The following SPR variants were observed in gnomAD, a reference collection of about 807,000 sequenced individuals.
The protein encoded by SPR is Sepiapterin reductase (L-erythro-7,8-dihydrobiopterin forming).
A neutral mutation model predicts 16.0 loss-of-function variants in SPR; 12 were observed. The ratio of observed to expected loss-of-function variants is 0.75; its 90% CI spans 0.48 to 1.22. SPR has a LOEUF of 1.22. Ranked by LOEUF, SPR falls within the 50% of genes most tolerant of loss-of-function variation. The pLI is 0.00. For missense variants in SPR, 324 were observed against 344.4 expected (o/e 0.94, Z 0.47); for synonymous variants, 177 against 168.5 (o/e 1.05, Z -0.39).
At chr2:72,888,686 C>A in intron 2 of SPR, 82 bp downstream of exon 2, 1 of 1,429,734 alleles carries the variant, frequency 7.0e-7, no homozygotes, top group Non-Finnish European at 9.4e-7. Flanking sequence ...CTAGTCCGCC[C>A]CCTCCAGGAA....
At chr2:72,889,329 G>A (rs935146306) in intron 2 of SPR, among the ~76,000 whole-genome samples, 1 of 152,188 alleles carries the variant, frequency 6.6e-6, no homozygotes, top group Non-Finnish European at 1.5e-5. Flanking sequence ...TCTTAATAGT[G>A]AGGAGTCTCT....
At position 72,888,325 on chromosome 2, in the gene SPR, G is replaced by A; in HGVS notation, c.316G>A (p.Asp106Asn). ...GGTTGGTTTTTCAGGCTCTCTTGGGGATGTGTCCAAAGGCTTCGTGGACCT... is the reference window on the plus strand; with the variant it reads ...GGTTGGTTTTTCAGGCTCTCTTGGGAATGTGTCCAAAGGCTTCGTGGACCT... ...LLINNAGSLG[D>N]VSKGFVDLSD... Residue 106 changes from aspartate (D) to asparagine (N), a missense_variant, in exon 2 of 3, where the codon GAT becomes AAT. Transcript: ENST00000234454. 1 of 1,614,208 alleles carries A rather than the reference G, an allele frequency of 6.2e-7. No homozygotes were observed. Among genetic ancestry groups the A allele is most frequent in the Non-Finnish European group, 8.5e-7 (1 of 1,180,042 alleles).
chr2:72,890,502 C>T (rs1356980384), intron 2 of SPR, among the ~76,000 whole-genome samples: 5 of 151,856 alleles, frequency 3.3e-5, no homozygotes, highest in Admixed American at 6.6e-5. Context: ...CCACCACACC[C>T]GGCTAATTTT....
chr2:72,888,411 G>A lies in SPR; in HGVS notation c.402G>A (p.Leu134=). The part of the protein sequence containing the change: ...WALNLTSMLC[L]TSSVLKAFPD... ...TGAACTTGACCTCCATGCTCTGCCT[G>A]ACTTCCAGCGTCCTGAAGGCCTTCC... The change falls in exon 2 of 3, where the codon CTG becomes CTA. Residue 134 remains leucine, a synonymous_variant. Transcript: ENST00000234454. 6.2e-7 allele frequency: 1 copy of A among 1,614,090 alleles called. No individual in the cohort carries two copies. Among genetic ancestry groups the A allele is most frequent in the Non-Finnish European group, 8.5e-7 (1 of 1,179,952 alleles).
Position 72,890,943 on chromosome 2 carries a change from G to A in SPR, c.596-404G>A, listed in dbSNP as rs181167285. ...AGGTTGTAAAAAGGGCCTGATTGTC[G>A]GGATGTGTAGATGCTGAAGGGTCCT... On this transcript the variant is annotated intron_variant, in intron 2 of 2. Coordinates refer to ENST00000234454, the MANE Select transcript of SPR (RefSeq NM_003124.5). 1.9e-4 allele frequency among the ~76,000 whole-genome samples: 29 copies of A among 152,296 alleles called. No individual in the cohort carries two copies. In the East Asian group the frequency reaches 2.1e-3, roughly 11 times the overall value.
rs376988034 is a variant in SPR at position 72,891,377 on chromosome 2, C to T, written c.626C>T (p.Ala209Val). 1.2e-6 allele frequency: 2 copies of T among 1,614,174 alleles called. No individual in the cohort carries two copies. Among genetic ancestry groups the T allele is most frequent in the East Asian group, 2.2e-5 (1 of 44,870 alleles). Residue 209 changes from alanine to valine, a missense_variant, in exon 3 of 3, where the codon GCC (alanine) becomes GTC (valine). Transcript: ENST00000234454. ...GPLDTDMQQL[A>V]RETSVDPDMR... ...CTGGACACAGACATGCAGCAGTTGGCCCGGGAGACCTCCGTGGACCCAGAC... is the reference window on the plus strand; with the variant it reads ...CTGGACACAGACATGCAGCAGTTGGTCCGGGAGACCTCCGTGGACCCAGAC...
At chr2:72,888,267 A>C (rs1670571260) in intron 1 of SPR, 47 bp from the exon 2 acceptor site, 3 of 1,602,332 alleles carry the variant, frequency 1.9e-6, no homozygotes, top group Non-Finnish European at 2.6e-6. Context: ...CTGGGGAAGA[A>C]GAAAGCCCCG....
chr2:72,888,061 T>A (rs1489552636), intron 1 of SPR, among the ~76,000 whole-genome samples: 3 of 152,230 alleles, frequency 2.0e-5, no homozygotes, highest in Non-Finnish European at 2.9e-5. Flanking sequence ...TCTCTGCTTC[T>A]CCAAAGGACC....
In SPR at chr2:72,887,489, C is replaced by T. The variant is rs774659668; in HGVS notation, c.57C>T (p.Phe19=). 14 of 1,499,646 alleles carry T rather than the reference C, an allele frequency of 9.3e-6. No homozygotes were observed. The South Asian group carries it at 1.7e-4, about 19-fold the overall frequency. 92.9% of individuals were successfully genotyped at this position (1,499,646 alleles called of 1,614,324 possible). Residue 19 remains phenylalanine (F), a synonymous_variant, in exon 1 of 3, where the codon TTC becomes TTT. Coordinates refer to ENST00000234454, the MANE Select transcript of SPR (RefSeq NM_003124.5). The part of the protein sequence containing the change: ...VCLLTGASRG[F]GRTLAPLLAS... The stretch of plus-strand genomic sequence containing the variant: ...TGCTGACCGGGGCCTCCCGCGGCTT[C>T]GGCCGGACGCTGGCCCCGCTCCTGG...
chr2:72,888,734 C>T (rs1670579561), intron 2 of SPR, 130 bp downstream of exon 2: 10 of 1,057,702 alleles, frequency 9.5e-6, no homozygotes, highest in Non-Finnish European at 1.3e-5. Flanking sequence ...CTTGACCCAT[C>T]ACCCCTTAGG....
In SPR at chr2:72,891,530, A is replaced by G. The variant is rs777868890; in HGVS notation, c.779A>G (p.Asp260Gly). The G allele has an allele frequency of 6.2e-7, 1 of 1,614,230 alleles. No individual in the cohort carries two copies. The highest frequency in any genetic ancestry group is 1.7e-5 in the Admixed American group (1 of 60,032). Residue 260 changes from aspartate to glycine, a missense_variant, in exon 3 of 3, where the codon GAC (aspartate) becomes GGC (glycine). Coordinates refer to ENST00000234454, the MANE Select transcript of SPR (RefSeq NM_003124.5). ...FKSGAHVDFY[D>G]K Reference sequence around the variant, plus strand: ...TCTGGAGCCCACGTGGACTTCTATGACAAATAAGCCCATGTTTTTGGCTTC... The same window carrying G: ...TCTGGAGCCCACGTGGACTTCTATGGCAAATAAGCCCATGTTTTTGGCTTC...
At chr2:72,891,297 C>T (rs374852334) in intron 2 of SPR, 50 bp from the exon 3 acceptor site, 3 of 1,602,508 alleles carry the variant, frequency 1.9e-6, no homozygotes, top group Non-Finnish European at 2.6e-6. Context: ...CTGAAACCTT[C>T]TGTCCCTGCC....
chr2:72,891,855 G>A lies in SPR; in HGVS notation c.*318G>A. On this transcript the variant is annotated 3_prime_UTR_variant, in exon 3 of 3. Coordinates refer to ENST00000234454, the MANE Select transcript of SPR (RefSeq NM_003124.5). Reference sequence around the variant, plus strand: ...AAAGAAGCTGGAACACAGAAGAGAGGAGGTTGTGTCTCTTGCTCATAGCAA... The same window carrying A: ...AAAGAAGCTGGAACACAGAAGAGAGAAGGTTGTGTCTCTTGCTCATAGCAA... 1 of 410,398 alleles carries A rather than the reference G, an allele frequency of 2.4e-6. No individual in the cohort carries two copies. The allele number at this position is 410,398 out of a possible 1,614,324, so 25.4% of individuals were successfully genotyped here.
chr2:72,887,481 C>T lies in SPR; in HGVS notation c.49C>T (p.Arg17Cys). Residue 17 changes from arginine (R) to cysteine (C), a missense_variant, in exon 1 of 3, where the codon CGC becomes TGC. Physicochemically the swap from Arg to Cys is radical, Grantham distance 180. Coordinates refer to ENST00000234454, the MANE Select transcript of SPR (RefSeq NM_003124.5). ...RAVCLLTGAS[R>C]GFGRTLAPLL... ...TGTGTGCTTGCTGACCGGGGCCTCC[C>T]GCGGCTTCGGCCGGACGCTGGCCCC... is the stretch of plus-strand genomic sequence containing the variant. The T allele has an allele frequency of 6.6e-7, 1 of 1,504,360 alleles. No homozygotes were observed. The allele number at this position is 1,504,360 out of a possible 1,614,324, so 93.2% of individuals were successfully genotyped here.
At chr2:72,891,233 G>C (rs1559049145) in intron 2 of SPR, 114 bp from the exon 3 acceptor site, 1 of 1,080,256 alleles carries the variant, frequency 9.3e-7, no homozygotes, top group African/African-American at 1.6e-5. Context: ...CCAAGATGAC[G>C]TGTTTCCTCT....
rs79062171 is a variant in SPR, at chr2:72,890,995, C to T, written c.596-352C>T. ...CCTGGTGCCTGGTTGGCTCTGGGGACGATGGGGGAGGGAAGGAGGAAGTGA... is the reference window on the plus strand; with the variant it reads ...CCTGGTGCCTGGTTGGCTCTGGGGATGATGGGGGAGGGAAGGAGGAAGTGA... On this transcript the variant is annotated intron_variant, in intron 2 of 2. Transcript: ENST00000234454. Among the ~76,000 whole-genome samples, 969 of 151,890 alleles carry T rather than the reference C, an allele frequency of 6.4e-3. 8 individuals are homozygous for T. Among genetic ancestry groups the T allele is most frequent in the African/African-American group, 0.022 (909 of 41,426 alleles).
chr2:72,887,635 C>G lies in SPR; in HGVS notation c.203C>G (p.Ala68Gly). The change falls in exon 1 of 3, where the codon GCC (alanine) becomes GGC (glycine). Residue 68 changes from alanine to glycine, a missense_variant. Transcript: ENST00000234454. ...GGCCTGCGCGTGGTGCGGGTGCCCG[C>G]CGACCTGGGCGCCGAGGCCGGCTTG... ...RSGLRVVRVP[A>G]DLGAEAGLQQ... The G allele has an allele frequency of 6.9e-7, 1 of 1,449,768 alleles. No individual in the cohort carries two copies. The highest frequency in any genetic ancestry group is 9.0e-7 in the Non-Finnish European group (1 of 1,109,842). 89.8% of individuals were successfully genotyped at this position (1,449,768 alleles called of 1,614,324 possible).
At position 72,888,526 on chromosome 2, in the gene SPR, G is replaced by C; in HGVS notation, c.517G>C (p.Gly173Arg). 1 of 1,606,712 alleles carries C rather than the reference G, an allele frequency of 6.2e-7. No homozygotes were observed. Among genetic ancestry groups the C allele is most frequent in the South Asian group, 1.1e-5 (1 of 90,086 alleles). ...PFKGWALYCAGKAARDMLFQV... is the reference protein window; with the variant it reads ...PFKGWALYCARKAARDMLFQV... ...CAAAGGCTGGGCGCTGTACTGTGCA[G>C]GAAAGGCTGCTCGTGATATGCTGTT... Residue 173 changes from glycine to arginine, a missense_variant, in exon 2 of 3, where the codon GGA (glycine) becomes CGA (arginine). Physicochemically the swap from Gly to Arg is moderately radical, Grantham distance 125. Transcript: ENST00000234454.
Position 72,891,589 on chromosome 2 carries a change from C to T in SPR, c.*52C>T. 1 of 1,603,880 alleles carries T rather than the reference C, an allele frequency of 6.2e-7. No individual in the cohort carries two copies. The highest frequency in any genetic ancestry group is 8.5e-7 in the Non-Finnish European group (1 of 1,173,220). On this transcript the variant is annotated 3_prime_UTR_variant, in exon 3 of 3. Transcript: ENST00000234454. ...TTTTGCCCCCACTTTTAGACATACC[C>T]CAGAGCCCTGTGGCTCCCCACACCC...
Sources: allele counts gnomAD v4.1 joint callset (sites outside exome capture counted in the v4.1 genomes callset), GRCh38; gene constraint gnomAD v4.1.1; transcripts MANE v1.5; gene names NCBI Gene and HGNC (gene_info 2026-07-23, HGNC 2026-07-21).